The following LRRC4C variants were observed in gnomAD, a reference collection of about 807,000 sequenced individuals.
LRRC4C encodes leucine rich repeat containing 4C, also known as leucine-rich repeat-containing protein 4C.
A neutral mutation model predicts 33.6 loss-of-function variants in LRRC4C; 5 were observed. The ratio of observed to expected loss-of-function variants is 0.15; its 90% CI spans 0.08 to 0.31. The LOEUF is 0.31. Among genes scored for constraint, LRRC4C ranks in the 10% least tolerant of loss-of-function variants. LRRC4C has a pLI of 1.00. For synonymous variants in LRRC4C, 329 were observed against 302.0 expected (o/e 1.09, Z -0.93); for missense variants, 560 against 796.7 (o/e 0.70, Z 3.58).
chr11:41,165,101 T>C (rs985779232), intron 1 of LRRC4C, among the ~76,000 whole-genome samples: 11 of 152,166 alleles, frequency 7.2e-5, no homozygotes, highest in Admixed American at 1.3e-4. Flanking sequence ...TGTTTCTTTA[T>C]TGGATCACCA....
At chr11:41,062,799 A>C (rs1277397997) in intron 1 of LRRC4C, among the ~76,000 whole-genome samples, 1 of 152,170 alleles carries the variant, frequency 6.6e-6, no homozygotes, top group Non-Finnish European at 1.5e-5. Context: ...ACATCCTTAA[A>C]AGAAGACACA....
chr11:40,834,123 AT>A (rs1396959138), intron 2 of LRRC4C, among the ~76,000 whole-genome samples: 13 of 152,190 alleles, frequency 8.5e-5, no homozygotes, highest in African/African-American at 2.9e-4. Context: ...GTTAAAAAAA[AT>A]AATCTCACAG....
At chr11:40,776,320 C>T (rs1949993349) in intron 2 of LRRC4C, among the ~76,000 whole-genome samples, 1 of 151,024 alleles carries the variant, frequency 6.6e-6, no homozygotes, top group Non-Finnish European at 1.5e-5. Context: ...CAGCTCTTCT[C>T]TGTATGTCTT....
intron 5 of LRRC4C, among the ~76,000 whole-genome samples, chr11:40,230,631 A>G (rs1865131434): frequency 6.6e-6 from 1 of 152,220 alleles, no homozygotes; most frequent in South Asian, 2.1e-4. Flanking sequence ...AGCAGAATGA[A>G]TTTGAGATAT....
intron 5 of LRRC4C, among the ~76,000 whole-genome samples, chr11:40,195,405 C>T (rs1862180192): frequency 6.6e-6 from 1 of 151,930 alleles, no homozygotes; most frequent in Non-Finnish European, 1.5e-5. Flanking sequence ...TAAGGGAAAT[C>T]TAAAATTAAT....
At chr11:40,604,398 T>C (rs57495436) in intron 3 of LRRC4C, among the ~76,000 whole-genome samples, 109 of 152,252 alleles carry the variant, frequency 7.2e-4, no homozygotes, top group African/African-American at 2.5e-3. Flanking sequence ...TTACATTTCT[T>C]CTCTTATATC....
chr11:40,920,472 A>G lies in LRRC4C; in HGVS notation c.-407+13163T>C, dbSNP rs561488527. 2.6e-5 allele frequency among the ~76,000 whole-genome samples: 4 copies of G among 152,142 alleles called. No individual in the cohort carries two copies. The South Asian group carries it at 8.3e-4, about 32-fold the overall frequency. ...TAATGGGATATTATCTTGGTTACAC[A>G]CTCCCTTACATATTGGTTAATTGAG... is the stretch of plus-strand genomic sequence containing the variant. On this transcript the variant is annotated intron_variant, in intron 2 of 6. Transcript: ENST00000528697.
intron 2 of LRRC4C, among the ~76,000 whole-genome samples, chr11:40,854,182 C>T (rs1953653476): frequency 6.6e-6 from 1 of 152,060 alleles, no homozygotes. Flanking sequence ...AGAAGCATAG[C>T]ATTTTGAAAT....
chr11:40,315,623 T>G (rs1443358875), intron 4 of LRRC4C, among the ~76,000 whole-genome samples: 1 of 151,976 alleles, frequency 6.6e-6, no homozygotes, highest in Non-Finnish European at 1.5e-5. Flanking sequence ...ACACAGTCTA[T>G]TTTTAGTTTT....
At chr11:40,660,769 C>T (rs1233380461) in intron 2 of LRRC4C, among the ~76,000 whole-genome samples, 1 of 152,080 alleles carries the variant, frequency 6.6e-6, no homozygotes, top group Non-Finnish European at 1.5e-5. Flanking sequence ...TAGTTTTGTG[C>T]CCATTTACCA....
chr11:40,291,460 C>T (rs1944186202), intron 4 of LRRC4C, among the ~76,000 whole-genome samples: 1 of 152,158 alleles, frequency 6.6e-6, no homozygotes, highest in South Asian at 2.1e-4. Flanking sequence ...AAAACCCAAG[C>T]CACTGCTCTA....
At chr11:40,145,404 T>C (rs1179685743) in intron 5 of LRRC4C, among the ~76,000 whole-genome samples, 1 of 152,140 alleles carries the variant, frequency 6.6e-6, no homozygotes, top group African/African-American at 2.4e-5. Flanking sequence ...CTTTTCAGCT[T>C]AGGTCTAGTT....
chr11:40,707,122 G>A (rs1946207971), intron 2 of LRRC4C, among the ~76,000 whole-genome samples: 1 of 152,172 alleles, frequency 6.6e-6, no homozygotes, highest in African/African-American at 2.4e-5. Flanking sequence ...CTGAGACGAT[G>A]GGGTTTCTAA....
In LRRC4C at chr11:40,868,785, A is replaced by G. The variant is rs1387968588; in HGVS notation, c.-407+64850T>C. On this transcript the variant is annotated intron_variant, in intron 2 of 6. Transcript: ENST00000528697. ...TATGTTTTTAAAGAAAGAATTCAAA[A>G]CTATGTTGTTCATAATATTAACAAT... Among the ~76,000 whole-genome samples, 4 of 152,184 alleles carry G rather than the reference A, an allele frequency of 2.6e-5. No homozygotes were observed. In the South Asian group the frequency reaches 8.3e-4, roughly 32 times the overall value.
chr11:40,320,008 CTTTCA>C (rs1462499240), intron 3 of LRRC4C, among the ~76,000 whole-genome samples: 5 of 151,836 alleles, frequency 3.3e-5, no homozygotes, highest in Admixed American at 2.6e-4. Context: ...ATTTATTAGT[CTTTCA>C]TTTCTTTTTT....
chr11:40,507,919 T>C (rs1955118222), intron 3 of LRRC4C, among the ~76,000 whole-genome samples: 1 of 152,014 alleles, frequency 6.6e-6, no homozygotes, highest in Admixed American at 6.6e-5. Flanking sequence ...TTTGTATTTT[T>C]AATAGAGAGG....
intron 2 of LRRC4C, among the ~76,000 whole-genome samples, chr11:40,652,830 C>T (rs1030851089): frequency 6.6e-6 from 1 of 152,180 alleles, no homozygotes; most frequent in African/African-American, 2.4e-5. Flanking sequence ...TGGTTTGACT[C>T]TGTGTCTCTG....
At chr11:40,903,183 C>A (rs541462448) in intron 2 of LRRC4C, among the ~76,000 whole-genome samples, 2 of 152,220 alleles carry the variant, frequency 1.3e-5, no homozygotes, top group South Asian at 4.1e-4. Context: ...AATCTCAGAA[C>A]CAATAAGAAT....
At chr11:40,268,704 A>C (rs1942465441) in intron 4 of LRRC4C, among the ~76,000 whole-genome samples, 1 of 152,146 alleles carries the variant, frequency 6.6e-6, no homozygotes, top group Non-Finnish European at 1.5e-5. Context: ...CTTTTAACAC[A>C]TGACATTTTG....
Sources: allele counts gnomAD v4.1 joint callset (sites outside exome capture counted in the v4.1 genomes callset), GRCh38; gene constraint gnomAD v4.1.1; transcripts MANE v1.5; gene names NCBI Gene and HGNC (gene_info 2026-07-23, HGNC 2026-07-21).